Variants in FARP1 observed in about 807,000 individuals in gnomAD.
FARP1 encodes FERM, ARHGEF and pleckstrin domain-containing protein 1.
A neutral mutation model predicts 128.8 loss-of-function variants in FARP1; 52 were observed. The ratio of observed to expected loss-of-function variants is 0.40; its 90% CI spans 0.32 to 0.51. The LOEUF is 0.51. Among genes scored for constraint, FARP1 ranks in the 20% least tolerant of loss-of-function variants. The probability of loss-of-function intolerance (pLI) is 0.45; values close to 1 mark genes in which losing one functional copy is unlikely to be tolerated. For missense variants in FARP1, 1,333 were observed against 1,367.9 expected, an observed-to-expected ratio of 0.97 and a Z score of 0.40; for synonymous variants, 580 against 551.8, an observed-to-expected ratio of 1.05 and a Z score of -0.72.
At chr13:98,352,766 T>C (rs761518268) in intron 3 of FARP1, among the ~76,000 whole-genome samples, 5 of 152,292 alleles carry the variant, frequency 3.3e-5, no homozygotes, top group African/African-American at 7.2e-5. Flanking sequence ...TTGTAGAAAC[T>C]ACAGGGAAGA....
intron 2 of FARP1, among the ~76,000 whole-genome samples, chr13:98,241,094 A>G (rs1373225818): frequency 6.6e-6 from 1 of 152,208 alleles, no homozygotes; most frequent in Non-Finnish European, 1.5e-5. Flanking sequence ...AACTTAAGGG[A>G]CTGTCGTATG....
intron 3 of FARP1, 68 bp downstream of exon 3, chr13:98,343,934 C>CGGTGAAATAATTGGTG: frequency 2.0e-6 from 2 of 1,007,750 alleles, no homozygotes; most frequent in African/African-American, 1.6e-5. Context: ...TGGGCAGGGG[C>CGGTGAAATAATTGGTG]CAGTCTAAAT....
chr13:98,348,422 A>G (rs1308350106), intron 3 of FARP1, among the ~76,000 whole-genome samples: 1 of 152,260 alleles, frequency 6.6e-6, no homozygotes, highest in Non-Finnish European at 1.5e-5. Flanking sequence ...AAGGCTGGGA[A>G]AGGGCCAGAA....
At chr13:98,324,849 A>G (rs1246202466) in intron 2 of FARP1, among the ~76,000 whole-genome samples, 1 of 152,202 alleles carries the variant, frequency 6.6e-6, no homozygotes, top group Non-Finnish European at 1.5e-5. Context: ...TGAGCCACAC[A>G]GCGAAGACCT....
At position 98,370,454 on chromosome 13, in the gene FARP1, T is replaced by A. The variant is rs142164078; in HGVS notation, c.398+2259T>A. 4.4e-3 allele frequency among the ~76,000 whole-genome samples: 660 copies of A among 151,036 alleles called. 5 individuals are homozygous for A. The highest frequency in any genetic ancestry group is 0.017 in the Middle Eastern group (5 of 292). On this transcript the variant is annotated intron_variant, in intron 5 of 26. Transcript: ENST00000319562. ...AGCCACCAATAGGTAGCAGTAGAAA[T>A]GGAGGCAAGTAGTTGTGTTTGGAAC...
intron 2 of FARP1, among the ~76,000 whole-genome samples, chr13:98,341,314 T>C (rs78733412): frequency 0.033 from 4,968 of 152,094 alleles, 291 homozygotes; most frequent in African/African-American, 0.11. Context: ...TGCTCTGTTC[T>C]CAGGGAAGAG....
At chr13:98,353,877 A>T (rs1289070873) in intron 3 of FARP1, among the ~76,000 whole-genome samples, 5 of 152,220 alleles carry the variant, frequency 3.3e-5, no homozygotes. Flanking sequence ...CACAATTTTT[A>T]AGAGTTCAAT....
chr13:98,171,905 CTA>C (rs1191450240), intron 1 of FARP1, among the ~76,000 whole-genome samples: 2 of 152,190 alleles, frequency 1.3e-5, no homozygotes, highest in African/African-American at 4.8e-5. Flanking sequence ...TCACATTTCT[CTA>C]TCTCATTTTC....
At chr13:98,281,170 A>G (rs907701626) in intron 2 of FARP1, among the ~76,000 whole-genome samples, 2 of 152,172 alleles carry the variant, frequency 1.3e-5, no homozygotes, top group Non-Finnish European at 2.9e-5. Context: ...CCTGGCCAAC[A>G]TGGTAAAGCC....
intron 2 of FARP1, among the ~76,000 whole-genome samples, chr13:98,311,087 A>G (rs1471546825): frequency 1.3e-5 from 2 of 152,224 alleles, no homozygotes; most frequent in Admixed American, 6.5e-5. Context: ...TTAACTTCTT[A>G]GTTACAGCAG....
chr13:98,346,340 C>A (rs887213874), intron 3 of FARP1, among the ~76,000 whole-genome samples: 1 of 151,738 alleles, frequency 6.6e-6, no homozygotes. Context: ...CAGGTGCCCA[C>A]CATCACGCCC....
chr13:98,287,142 T>G (rs1833392838), intron 2 of FARP1, among the ~76,000 whole-genome samples: 1 of 152,000 alleles, frequency 6.6e-6, no homozygotes, highest in African/African-American at 2.4e-5. Context: ...CCAAATATTT[T>G]TGTTTTCTCT....
At chr13:98,212,136 A>G (rs1272454754) in intron 1 of FARP1, among the ~76,000 whole-genome samples, 1 of 152,042 alleles carries the variant, frequency 6.6e-6, no homozygotes, top group African/African-American at 2.4e-5. Flanking sequence ...GCTCACTGCA[A>G]CCTCCACCTC....
upstream of FARP1, chr13:98,143,035 G>GGCGCCCGCCT (rs1555320827): frequency 1.4e-5 from 2 of 147,920 alleles, no homozygotes; most frequent in African/African-American, 4.9e-5. Context: ...CGGGCTGCGC[G>GGCGCCCGCCT]GCGCCCGCCT....
At chr13:98,428,692 C>G (rs534223526) in intron 17 of FARP1, among the ~76,000 whole-genome samples, 1 of 152,328 alleles carries the variant, frequency 6.6e-6, no homozygotes, top group African/African-American at 2.4e-5. Context: ...TTCCGGCCAC[C>G]GTCAACTCAT....
At chr13:98,162,144 T>G (rs1192925453) in intron 1 of FARP1, among the ~76,000 whole-genome samples, 2 of 152,190 alleles carry the variant, frequency 1.3e-5, no homozygotes, top group Non-Finnish European at 2.9e-5. Flanking sequence ...GGGTTTGGGA[T>G]TCACTTTCTA....
At chr13:98,337,173 C>G (rs190750510) in intron 2 of FARP1, among the ~76,000 whole-genome samples, 1 of 152,146 alleles carries the variant, frequency 6.6e-6, no homozygotes, top group African/African-American at 2.4e-5. Flanking sequence ...TTGAGACCAG[C>G]CTGGGCAACA....
rs1285485435 is a variant in FARP1, at chr13:98,259,754, G to A, written c.171+46341G>A. Among the ~76,000 whole-genome samples, 4 of 152,110 alleles carry A rather than the reference G, an allele frequency of 2.6e-5. No homozygotes were observed. In the East Asian group the frequency reaches 5.8e-4, roughly 22 times the overall value. ...TTGAGAGAAAGAGAAGGGGACAGAG[G>A]TTGTTGGAGTAAGTCAGGTGGAGCT... On this transcript the variant is annotated intron_variant, in intron 2 of 26. Transcript: ENST00000319562.
At chr13:98,226,183 G>A (rs894159409) in intron 2 of FARP1, among the ~76,000 whole-genome samples, 4 of 152,334 alleles carry the variant, frequency 2.6e-5, no homozygotes, top group South Asian at 2.1e-4. Context: ...TTCAGGGTTG[G>A]TTCCTTCCAA....
Sources: gnomAD v4.1 joint callset for allele counts (sites outside exome capture counted in the v4.1 genomes callset) on GRCh38, gnomAD v4.1.1 for gene constraint, MANE v1.5 for transcripts, NCBI Gene and HGNC (gene_info 2026-07-23, HGNC 2026-07-21) for gene names.